The following LRRK1 variants were observed in gnomAD, a reference collection of about 807,000 sequenced individuals.
LRRK1 encodes leucine rich repeat kinase 1.
A neutral mutation model predicts 209.1 loss-of-function variants in LRRK1; 113 were observed. That is an observed-to-expected ratio of 0.54 (90% CI 0.46 to 0.63). The LOEUF (loss-of-function observed/expected upper bound fraction) is 0.63, where lower values mean the gene tolerates loss of function less well. Ranked by LOEUF, LRRK1 falls within the 30% of genes least tolerant of loss-of-function variation. The pLI is 0.00. For synonymous variants in LRRK1, 1,144 were observed against 1,099.7 expected, an observed-to-expected ratio of 1.04 and a Z score of -0.80; for missense variants, 2,284 against 2,632.2, an observed-to-expected ratio of 0.87 and a Z score of 2.89.
chr15:100,975,493 G>A (rs2031241145), intron 3 of LRRK1, among the ~76,000 whole-genome samples: 1 of 152,214 alleles, frequency 6.6e-6, no homozygotes, highest in Non-Finnish European at 1.5e-5. Flanking sequence ...CTTCTCTGTG[G>A]CATCATGGAC....
rs193192500 is a variant in LRRK1 at position 100,992,485 on chromosome 15, T to C, written c.762+3087T>C. 5.9e-5 allele frequency among the ~76,000 whole-genome samples: 9 copies of C among 152,346 alleles called. No individual in the cohort carries two copies. The East Asian group carries it at 1.7e-3, about 29-fold the overall frequency. On this transcript the variant is annotated intron_variant, in intron 6 of 33. Transcript: ENST00000388948. Reference sequence around the variant, plus strand: ...TTTCATTTATGCTGTTGAACAGTTTTACTTTTTCTCTTTCAAACTTAATCA... The same window carrying C: ...TTTCATTTATGCTGTTGAACAGTTTCACTTTTTCTCTTTCAAACTTAATCA...
intron 2 of LRRK1, among the ~76,000 whole-genome samples, chr15:100,940,688 A>G (rs2042384859): frequency 6.6e-6 from 1 of 152,198 alleles, no homozygotes. Flanking sequence ...CTCTGCTAAC[A>G]TTAATTCTGT....
In LRRK1 at chr15:101,056,903, A is replaced by G; in HGVS notation, c.4380A>G (p.Gly1460=). 6.2e-7 allele frequency: 1 copy of G among 1,613,948 alleles called. No individual in the cohort carries two copies. Among genetic ancestry groups the G allele is most frequent in the Non-Finnish European group, 8.5e-7 (1 of 1,179,936 alleles). ...TGGTGCTCTACGAGTTGCTGTCAGG[A>G]CAGCGCCCTGCACTGGGCCACCACC... is the stretch of plus-strand genomic sequence containing the variant. ...YGMVLYELLS[G]QRPALGHHQL... The change falls in exon 28 of 34, where the codon GGA becomes GGG. Residue 1460 remains glycine (G), a synonymous_variant. Coordinates refer to ENST00000388948, the MANE Select transcript of LRRK1 (RefSeq NM_024652.6).
At chr15:101,036,378 C>A (rs1380732673) in intron 20 of LRRK1, among the ~76,000 whole-genome samples, 1 of 151,998 alleles carries the variant, frequency 6.6e-6, no homozygotes, top group Non-Finnish European at 1.5e-5. Flanking sequence ...TTGATCTAGC[C>A]TATTGTTGAA....
chr15:101,037,674 G>T (rs2034547735), intron 20 of LRRK1, among the ~76,000 whole-genome samples: 1 of 152,156 alleles, frequency 6.6e-6, no homozygotes, highest in African/African-American at 2.4e-5. Context: ...TAGCCTTTAA[G>T]GTGGTAGCCT....
chr15:100,986,814 GC>G (rs1409230109), intron 4 of LRRK1, among the ~76,000 whole-genome samples: 1 of 152,222 alleles, frequency 6.6e-6, no homozygotes, highest in East Asian at 1.9e-4. Context: ...TCTGCCTTCA[GC>G]TGTTCTCCCC....
Position 101,022,059 on chromosome 15 carries a change from GC to G in LRRK1, c.1852+105del. 1 of 805,240 alleles carries G rather than the reference GC, an allele frequency of 1.2e-6. No individual in the cohort carries two copies. The allele number at this position is 805,240 out of a possible 1,614,324, so 49.9% of individuals were successfully genotyped here. A position where few individuals can be genotyped will look rare whatever the true frequency, so the allele number is the denominator to read the frequency against. ...GTGGAGACAGTTGGTGACCCATGGA[GC>G]CCAGCTCCAGGTTCCAGATTTGACA... On this transcript the variant is annotated intron_variant, in intron 14 of 33. Coordinates refer to ENST00000388948, the MANE Select transcript of LRRK1 (RefSeq NM_024652.6). This position sits in a 1 kb window ranked among gnomAD's most constrained non-coding sequence, Gnocchi z 4.0.
At chr15:100,972,107 C>T (rs943867790) in intron 2 of LRRK1, among the ~76,000 whole-genome samples, 6 of 151,800 alleles carry the variant, frequency 4.0e-5, no homozygotes, top group African/African-American at 1.5e-4. Context: ...GGATTACAGG[C>T]GCGTGCCACC....
chr15:100,991,256 A>G (rs981933606), intron 6 of LRRK1, among the ~76,000 whole-genome samples: 2 of 152,198 alleles, frequency 1.3e-5, no homozygotes, highest in Non-Finnish European at 2.9e-5. Flanking sequence ...AAGTTTTACA[A>G]TCTGTTAATG....
rs144044031 is a variant in LRRK1 at position 101,061,165 on chromosome 15, T to TTACG, written c.4680-3_4680-2insGTAC. On this transcript the variant is annotated splice_region_variant and splice_polypyrimidine_tract_variant and intron_variant, in intron 29 of 33. Coordinates refer to ENST00000388948, the MANE Select transcript of LRRK1 (RefSeq NM_024652.6). ...GCACTGACAGCACAGTTTCTGCCAC[T>TTACG]TACAGGAACTACACGGTGGTGAACA... The TTACG allele has an allele frequency of 6.2e-7, 1 of 1,610,900 alleles. No homozygotes were observed. The highest frequency in any genetic ancestry group is 8.5e-7 in the Non-Finnish European group (1 of 1,177,396).
chr15:101,003,623 T>A (rs535764326), intron 6 of LRRK1, among the ~76,000 whole-genome samples: 12 of 152,148 alleles, frequency 7.9e-5, no homozygotes, highest in African/African-American at 2.9e-4. Context: ...TATAAAACCA[T>A]CAGATCTCAT....
At chr15:100,926,268 T>C (rs573104996) in intron 2 of LRRK1, among the ~76,000 whole-genome samples, 1 of 126,394 alleles carries the variant, frequency 7.9e-6, no homozygotes, top group South Asian at 2.6e-4. Context: ...GAGATCGAGG[T>C]GGCGTGGGTG....
chr15:100,987,681 G>A lies in LRRK1; in HGVS notation c.434-953G>A, dbSNP rs1230220774. Reference sequence around the variant, plus strand: ...GTTTATTGATCCAGGCACTTGACATGCATTTTGTGATGTAGTCCTCACATT... The same window carrying A: ...GTTTATTGATCCAGGCACTTGACATACATTTTGTGATGTAGTCCTCACATT... On this transcript the variant is annotated intron_variant, in intron 4 of 33. Transcript: ENST00000388948. Among the ~76,000 whole-genome samples the A allele has an allele frequency of 2.6e-5, 4 of 152,170 alleles. No homozygotes were observed. The East Asian group carries it at 7.7e-4, about 29-fold the overall frequency.
intron 2 of LRRK1, among the ~76,000 whole-genome samples, chr15:100,972,363 A>AGAGAGTGTGT (rs1176201849): frequency 3.0e-4 from 30 of 98,492 alleles, no homozygotes; most frequent in African/African-American, 1.1e-3. Flanking sequence ...AGAGAGAGAG[A>AGAGAGTGTGT]GTGTGTGTGT....
intron 26 of LRRK1, 126 bp downstream of exon 26, chr15:101,053,546 G>A (rs1046209490): frequency 6.0e-5 from 48 of 800,376 alleles, no homozygotes; most frequent in Non-Finnish European, 9.0e-5. Context: ...CCCATGGCTC[G>A]TGTGACCATC....
chr15:100,972,355 AGAGAGAGAGTGTGTGTGT>A (rs2030959570), intron 2 of LRRK1, among the ~76,000 whole-genome samples: 4 of 134,076 alleles, frequency 3.0e-5, no homozygotes, highest in African/African-American at 8.8e-5. Flanking sequence ...AGAGAGAGAG[AGAGAGAGAGTGTGTGTGT>A]GTGTGTGTGT....
chr15:101,046,054 A>G lies in LRRK1; in HGVS notation c.3037A>G (p.Thr1013Ala), dbSNP rs2035059099. 5 of 1,614,090 alleles carry G rather than the reference A, an allele frequency of 3.1e-6. No homozygotes were observed. Among genetic ancestry groups the G allele is most frequent in the Non-Finnish European group, 3.4e-6 (4 of 1,180,004 alleles). The change falls in exon 21 of 34, where the codon ACC becomes GCC. Residue 1013 changes from threonine (T) to alanine (A), a missense_variant. This residue lies in a region of LRRK1 where 780 missense variants were observed against 985.2 expected (regional missense o/e 0.79). Transcript: ENST00000388948. ...THGMRHPTAN[T>A]IQRVFKMSFV... is the part of the protein sequence containing the mutation. The stretch of plus-strand genomic sequence containing the variant: ...CGGTATGCGGCACCCCACAGCCAAC[A>G]CCATTCAGAGGGTATTTAAGATGAG...
chr15:100,957,759 T>G (rs990144572), intron 2 of LRRK1, among the ~76,000 whole-genome samples: 1 of 152,248 alleles, frequency 6.6e-6, no homozygotes, highest in East Asian at 1.9e-4. Flanking sequence ...AGCTACTGTG[T>G]GTCTTTTGAT....
chr15:101,068,721 T>G lies in LRRK1; in HGVS notation c.5921T>G (p.Phe1974Cys). Residue 1974 changes from phenylalanine to cysteine, a missense_variant, in exon 34 of 34, where the codon TTT (phenylalanine) becomes TGT (cysteine). This residue lies in a region of LRRK1 where 643 missense variants were observed against 695.9 expected (regional missense o/e 0.92). Transcript: ENST00000388948. ...VVAKDTVVCT[F>C]ENENTEWCLA... ...GCAAAGGACACTGTTGTGTGCACCTTTGAAAATGAAAACACAGAGTGGTGC... is the reference window on the plus strand; with the variant it reads ...GCAAAGGACACTGTTGTGTGCACCTGTGAAAATGAAAACACAGAGTGGTGC... 1 of 1,613,420 alleles carries G rather than the reference T, an allele frequency of 6.2e-7. No homozygotes were observed. The highest frequency in any genetic ancestry group is 8.5e-7 in the Non-Finnish European group (1 of 1,179,602).
Sources: allele counts gnomAD v4.1 joint callset (sites outside exome capture counted in the v4.1 genomes callset), GRCh38; gene constraint gnomAD v4.1.1; regional missense constraint gnomAD v4.1.1; non-coding constraint Gnocchi (gnomAD v3.1); transcripts MANE v1.5; gene names NCBI Gene and HGNC (gene_info 2026-07-23, HGNC 2026-07-21).